Variants in NCKAP5 observed in about 807,000 individuals in gnomAD.
NCKAP5 encodes NCK associated protein 5.
NCKAP5 carries 92 observed loss-of-function variants against 167.0 expected under a neutral mutation model. The ratio of observed to expected loss-of-function variants is 0.55; its 90% CI spans 0.47 to 0.66. The LOEUF (loss-of-function observed/expected upper bound fraction) is 0.66. Ranked by LOEUF, NCKAP5 falls within the 30% of genes least tolerant of loss-of-function variation. NCKAP5 has a pLI of 0.00. For synonymous variants in NCKAP5, 891 were observed against 877.4 expected (o/e 1.02, Z -0.27); for missense variants, 2,378 against 2,315.0 (o/e 1.03, Z -0.56).
chr2:133,605,253 G>C, the NCKAP5 span, among the ~76,000 whole-genome samples: 2 of 152,072 alleles, frequency 1.3e-5, no homozygotes, highest in South Asian at 2.1e-4. Context: ...TAAATTGGTT[G>C]GTTGGTCCCT....
chr2:133,177,470 T>C (rs945503807), intron 5 of NCKAP5, among the ~76,000 whole-genome samples: 13 of 152,094 alleles, frequency 8.5e-5, no homozygotes, highest in Admixed American at 5.9e-4. Flanking sequence ...AGCTTCACTT[T>C]ACCCCCTTAA....
Position 133,058,925 on chromosome 2 carries a change from C to A in NCKAP5, c.342-64686G>T, listed in dbSNP as rs372333751. On this transcript the variant is annotated intron_variant, in intron 6 of 19. Transcript: ENST00000409261. The stretch of plus-strand genomic sequence containing the variant: ...TATTGAATTATACTAAATAATTTAA[C>A]CTTGCTCAAGTTTCAGCAACCACCA... Among the ~76,000 whole-genome samples, 9 of 152,192 alleles carry A rather than the reference C, an allele frequency of 5.9e-5. 1 individual carries two copies. The East Asian group carries it at 1.4e-3, about 23-fold the overall frequency.
In NCKAP5 at chr2:132,989,163, G is replaced by A. The variant is rs537742242; in HGVS notation, c.429+4989C>T. 1.1e-3 allele frequency among the ~76,000 whole-genome samples: 160 copies of A among 152,288 alleles called. 1 individual carries two copies. The highest frequency in any genetic ancestry group is 1.8e-4 in the Non-Finnish European group (12 of 68,014). Reference sequence around the variant, plus strand: ...AGCCCTGTAAAGGGGGTAACCCTTTGTTAGTTCTGTGATTATTTGCATCTT... The same window carrying A: ...AGCCCTGTAAAGGGGGTAACCCTTTATTAGTTCTGTGATTATTTGCATCTT... On this transcript the variant is annotated intron_variant, in intron 7 of 19. Coordinates refer to ENST00000409261, the MANE Select transcript of NCKAP5 (RefSeq NM_207363.3).
intron 6 of NCKAP5, among the ~76,000 whole-genome samples, chr2:133,008,494 C>A (rs1417398140): frequency 6.6e-6 from 1 of 152,120 alleles, no homozygotes. Context: ...GGAAAAGCAG[C>A]CTGTACTTGC....
intron 3 of NCKAP5, among the ~76,000 whole-genome samples, chr2:133,397,528 C>T (rs542262151): frequency 1.3e-5 from 2 of 152,178 alleles, no homozygotes; most frequent in Admixed American, 6.5e-5. Flanking sequence ...TGTCCACTGT[C>T]TACTACCATA....
intron 5 of NCKAP5, among the ~76,000 whole-genome samples, chr2:133,191,999 T>C (rs1253847770): frequency 1.3e-5 from 2 of 152,016 alleles, no homozygotes; most frequent in Non-Finnish European, 2.9e-5. Context: ...CTAAAACTAA[T>C]GTGAAAAATG....
At chr2:133,660,345 T>A in the NCKAP5 span, among the ~76,000 whole-genome samples, 8 of 152,164 alleles carry the variant, frequency 5.3e-5, no homozygotes, top group Non-Finnish European at 1.2e-4. Flanking sequence ...TTATTGATAT[T>A]CAAATTTTTT....
chr2:133,071,355 G>T (rs543799646), intron 6 of NCKAP5, among the ~76,000 whole-genome samples: 52 of 152,064 alleles, frequency 3.4e-4, no homozygotes, highest in Non-Finnish European at 6.6e-4. Context: ...TGAGGCAGGA[G>T]AATGGTGTGA....
At chr2:133,361,994 T>C (rs1481542635) in intron 3 of NCKAP5, among the ~76,000 whole-genome samples, 1 of 148,810 alleles carries the variant, frequency 6.7e-6, no homozygotes, top group Non-Finnish European at 1.5e-5. Context: ...GAGAGAAGCA[T>C]AAATCTGTTT....
intron 19 of NCKAP5, among the ~76,000 whole-genome samples, chr2:132,711,080 A>G (rs531973405): frequency 1.3e-5 from 2 of 152,322 alleles, no homozygotes; most frequent in South Asian, 4.1e-4. Flanking sequence ...TAGTGACATA[A>G]GCATGAGCAA....
intron 3 of NCKAP5, among the ~76,000 whole-genome samples, chr2:133,450,040 C>A (rs894748281): frequency 3.3e-5 from 5 of 152,060 alleles, no homozygotes; most frequent in Admixed American, 6.6e-5. Context: ...CAAAGATGTA[C>A]CTACCAGAAA....
chr2:133,375,121 T>G (rs1686057984), intron 3 of NCKAP5, among the ~76,000 whole-genome samples: 1 of 152,194 alleles, frequency 6.6e-6, no homozygotes, highest in South Asian at 2.1e-4. Flanking sequence ...ATGAACTCTT[T>G]CCAGGTTGAA....
intron 3 of NCKAP5, among the ~76,000 whole-genome samples, chr2:133,374,170 C>T (rs1685986474): frequency 6.6e-6 from 1 of 152,112 alleles, no homozygotes; most frequent in South Asian, 2.1e-4. Flanking sequence ...GAATATTATT[C>T]AGCACTACAA....
chr2:132,782,201 G>A lies in NCKAP5; in HGVS notation c.4610C>T (p.Ala1537Val), dbSNP rs376182292. The change falls in exon 14 of 20, where the codon GCA becomes GTA. Residue 1537 changes from alanine (A) to valine (V), a missense_variant. Transcript: ENST00000409261. Reference protein sequence around the residue: ...ISKTKVEKKDAKVLGFGNRQL... With the variant: ...ISKTKVEKKDVKVLGFGNRQL... ...TCTGTTTCCAAACCCCAAGACTTTT[G>A]CATCTTTCTTTTCTACTTTGGTTTT... is the stretch of plus-strand genomic sequence containing the variant. The A allele has an allele frequency of 6.8e-6, 11 of 1,613,130 alleles. No individual in the cohort carries two copies. Among genetic ancestry groups the A allele is most frequent in the Non-Finnish European group, 9.3e-6 (11 of 1,179,774 alleles).
rs933696870 is a variant in NCKAP5, at chr2:133,478,801, G to A, written c.69+38657C>T. 8.6e-5 allele frequency among the ~76,000 whole-genome samples: 13 copies of A among 151,914 alleles called. 1 individual carries two copies. Among genetic ancestry groups the A allele is most frequent in the Admixed American group, 8.5e-4 (13 of 15,224 alleles). On this transcript the variant is annotated intron_variant, in intron 3 of 19. Transcript: ENST00000409261. The stretch of plus-strand genomic sequence containing the variant: ...ATATGTAAGGATCAGGGAGTCACTA[G>A]AAATGTGTAAAGAATACCTCGCACA...
At chr2:133,435,926 C>T (rs566070882) in intron 3 of NCKAP5, among the ~76,000 whole-genome samples, 28 of 152,194 alleles carry the variant, frequency 1.8e-4, no homozygotes, top group South Asian at 4.1e-4. Flanking sequence ...ACATTCTACG[C>T]GATCAAAACT....
intron 16 of NCKAP5, among the ~76,000 whole-genome samples, chr2:132,769,454 AT>A (rs763949009): frequency 6.6e-6 from 1 of 152,240 alleles, no homozygotes; most frequent in Non-Finnish European, 1.5e-5. Flanking sequence ...GTTATAAAAT[AT>A]TGCAAGAATA....
At chr2:133,024,928 A>G (rs1242444506) in intron 6 of NCKAP5, among the ~76,000 whole-genome samples, 1 of 152,248 alleles carries the variant, frequency 6.6e-6, no homozygotes, top group Non-Finnish European at 1.5e-5. Flanking sequence ...CAGGAGTGAT[A>G]ATGCATTTGA....
chr2:133,285,270 A>G (rs1353802317), intron 4 of NCKAP5, among the ~76,000 whole-genome samples: 1 of 152,270 alleles, frequency 6.6e-6, no homozygotes, highest in East Asian at 1.9e-4. Flanking sequence ...TAATCTATAC[A>G]GTATTTATTG....
Sources: gnomAD v4.1 joint callset for allele counts (sites outside exome capture counted in the v4.1 genomes callset) on GRCh38, gnomAD v4.1.1 for gene constraint, MANE v1.5 for transcripts, NCBI Gene and HGNC (gene_info 2026-07-23, HGNC 2026-07-21) for gene names.